The following CHRM5 variants were observed in gnomAD, a reference collection of about 807,000 sequenced individuals.
CHRM5 encodes the protein muscarinic acetylcholine receptor M5.
CHRM5 carries 18 observed loss-of-function variants against 39.0 expected under a neutral mutation model. The observed-to-expected ratio is 0.46, with a 90% CI of 0.32 to 0.68. The LOEUF (loss-of-function observed/expected upper bound fraction) is 0.68. Ranked by LOEUF, CHRM5 falls within the 30% of genes least tolerant of loss-of-function variation. The pLI, the probability that CHRM5 is intolerant of heterozygous loss-of-function variation, is 0.04. For synonymous variants in CHRM5, 241 were observed against 246.3 expected, an observed-to-expected ratio of 0.98 and a Z score of 0.20; for missense variants, 515 against 651.1, an observed-to-expected ratio of 0.79 and a Z score of 2.28.
chr15:33,979,799 G>C (rs1896055901), intron 1 of CHRM5, among the ~76,000 whole-genome samples: 1 of 152,160 alleles, frequency 6.6e-6, no homozygotes, highest in Non-Finnish European at 1.5e-5. Flanking sequence ...AAACACTAAG[G>C]AGCTCCAGTG....
chr15:34,038,378 A>G (rs1218792745), intron 1 of CHRM5, among the ~76,000 whole-genome samples: 1 of 152,198 alleles, frequency 6.6e-6, no homozygotes, highest in African/African-American at 2.4e-5. Context: ...GCGTGCCCGT[A>G]AAGGCTGCCG....
At chr15:34,012,971 C>CCTAAATTT (rs1348881921) in intron 1 of CHRM5, among the ~76,000 whole-genome samples, 2 of 152,148 alleles carry the variant, frequency 1.3e-5, no homozygotes, top group African/African-American at 4.8e-5. Context: ...TTCCTAAATT[C>CCTAAATTT]CCCACCAGCT....
intron 1 of CHRM5, among the ~76,000 whole-genome samples, chr15:34,011,314 G>A (rs533921580): frequency 4.6e-5 from 7 of 152,012 alleles, no homozygotes; most frequent in East Asian, 1.9e-4. Context: ...AAAAGGATAC[G>A]GATATACAAA....
chr15:34,026,744 A>G (rs866108346), intron 1 of CHRM5, among the ~76,000 whole-genome samples: 2 of 152,192 alleles, frequency 1.3e-5, no homozygotes, highest in Admixed American at 6.5e-5. Context: ...ACTGATATGG[A>G]TATGTGATCA....
intron 1 of CHRM5, among the ~76,000 whole-genome samples, chr15:33,979,369 C>A (rs923390073): frequency 6.6e-6 from 1 of 152,030 alleles, no homozygotes; most frequent in East Asian, 1.9e-4. Context: ...ATTAGCCGGG[C>A]ATGCTAGGGT....
chr15:34,038,421 T>C (rs1201566350), intron 1 of CHRM5, among the ~76,000 whole-genome samples: 1 of 152,016 alleles, frequency 6.6e-6, no homozygotes, highest in African/African-American at 2.4e-5. Flanking sequence ...CTCCGTCCCA[T>C]AGTGGTACTC....
At chr15:34,033,032 C>T (rs1473096446) in intron 1 of CHRM5, among the ~76,000 whole-genome samples, 1 of 152,118 alleles carries the variant, frequency 6.6e-6, no homozygotes, top group African/African-American at 2.4e-5. Flanking sequence ...CTCCAACATT[C>T]CCATCTACCT....
intron 1 of CHRM5, among the ~76,000 whole-genome samples, chr15:34,011,797 G>A (rs997807711): frequency 6.6e-6 from 1 of 152,318 alleles, no homozygotes. Context: ...GGCACAGGAA[G>A]GTAATTTGCA....
At chr15:34,051,887 C>T (rs1376867310) in intron 2 of CHRM5, among the ~76,000 whole-genome samples, 1 of 151,800 alleles carries the variant, frequency 6.6e-6, no homozygotes, top group Non-Finnish European at 1.5e-5. Context: ...AACCCAGGAC[C>T]AGACAGATTT....
intron 2 of CHRM5, among the ~76,000 whole-genome samples, chr15:34,053,319 A>AAAATATAT (rs775436850): frequency 1.4e-4 from 6 of 42,066 alleles, no homozygotes; most frequent in Non-Finnish European, 1.9e-4. Flanking sequence ...AAAAAAAAAA[A>AAAATATAT]ATATATATAT....
chr15:33,976,890 G>C (rs1186589181), intron 1 of CHRM5, among the ~76,000 whole-genome samples: 1 of 152,076 alleles, frequency 6.6e-6, no homozygotes, highest in Non-Finnish European at 1.5e-5. Flanking sequence ...CCATCCCTGA[G>C]TCAGCCAGCC....
At chr15:34,045,053 T>C (rs1471268275) in intron 1 of CHRM5, among the ~76,000 whole-genome samples, 1 of 151,960 alleles carries the variant, frequency 6.6e-6, no homozygotes, top group East Asian at 1.9e-4. Flanking sequence ...GTCTCAAAAA[T>C]TAGTAATAAT....
intron 1 of CHRM5, among the ~76,000 whole-genome samples, chr15:34,008,394 TG>T (rs561594202): frequency 1.8e-3 from 267 of 147,108 alleles, no homozygotes; most frequent in African/African-American, 6.5e-3. Flanking sequence ...CACTGAAGCC[TG>T]GGGGACAGAG....
chr15:33,984,336 G>A (rs1450469767), intron 1 of CHRM5, among the ~76,000 whole-genome samples: 1 of 151,664 alleles, frequency 6.6e-6, no homozygotes, highest in East Asian at 1.9e-4. Context: ...ATTTTATTAA[G>A]TTAATCTACA....
rs572179 is a variant in CHRM5, at chr15:34,065,058, T to A, written c.*742T>A. ...TACCCAGTCCTTTCAAGGGGCCTCT[T>A]TTCTACTAATAAAGATGGATCAAGT... On this transcript the variant is annotated 3_prime_UTR_variant, in exon 3 of 3. Transcript: ENST00000383263. 165,821 of 166,994 alleles carry A rather than the reference T, an allele frequency of 0.99. 82,339 individuals carry two copies. The highest frequency in any genetic ancestry group is 1 in the Middle Eastern group (296 of 296). The allele number at this position is 166,994 out of a possible 1,614,324, so 10.3% of individuals were successfully genotyped here.
intron 1 of CHRM5, chr15:34,039,009 C>G (rs1352921466): frequency 8.9e-7 from 1 of 1,122,432 alleles, no homozygotes; most frequent in Non-Finnish European, 1.1e-6. Flanking sequence ...GCCTGGCCGC[C>G]GCCCACGGCC....
intron 1 of CHRM5, among the ~76,000 whole-genome samples, chr15:33,994,391 T>C (rs148410327): frequency 3.3e-5 from 5 of 152,346 alleles, no homozygotes; most frequent in East Asian, 1.9e-4. Context: ...AGGACTCCCA[T>C]TGAGTCTACA....
At chr15:34,025,199 T>A (rs1026957635) in intron 1 of CHRM5, among the ~76,000 whole-genome samples, 14 of 152,060 alleles carry the variant, frequency 9.2e-5, no homozygotes, top group African/African-American at 3.1e-4. Flanking sequence ...GAGGTGAGCA[T>A]GTGAAAATGA....
chr15:34,016,214 A>G (rs992860905), intron 1 of CHRM5, among the ~76,000 whole-genome samples: 14 of 152,250 alleles, frequency 9.2e-5, no homozygotes, highest in Non-Finnish European at 4.4e-5. Flanking sequence ...AGCCTGGGCA[A>G]CAAGAGCAAA....
Sources: gnomAD v4.1 joint callset for allele counts (sites outside exome capture counted in the v4.1 genomes callset) on GRCh38, gnomAD v4.1.1 for gene constraint, MANE v1.5 for transcripts, NCBI Gene and HGNC (gene_info 2026-07-23, HGNC 2026-07-21) for gene names.